The following MFSD6 variants were observed in gnomAD, a reference collection of about 807,000 sequenced individuals.
The protein encoded by MFSD6 is major facilitator superfamily domain containing 6, also known as major facilitator superfamily domain-containing protein 6.
A neutral mutation model predicts 56.3 loss-of-function variants in MFSD6; 26 were observed. That is an observed-to-expected ratio of 0.46 (90% CI 0.34 to 0.64). MFSD6 has a LOEUF of 0.64. MFSD6 is among the 30% of genes least tolerant of loss of function. The pLI is 0.01. For synonymous variants in MFSD6, 331 were observed against 366.9 expected (o/e 0.90, Z 1.12); for missense variants, 750 against 986.2 (o/e 0.76, Z 3.21).
rs1052244488 is a variant in MFSD6 at position 190,417,029 on chromosome 2, G to A, written c.-54+1616G>A. Reference sequence around the variant, plus strand: ...TATGTTCTAGATTCCTCCCTCGAGGGGTATACAGTCTTGTTGGGCAAACGA... The same window carrying A: ...TATGTTCTAGATTCCTCCCTCGAGGAGTATACAGTCTTGTTGGGCAAACGA... On this transcript the variant is annotated intron_variant, in intron 2 of 7. Coordinates refer to ENST00000392328, the MANE Select transcript of MFSD6 (RefSeq NM_017694.4). This position sits in a 1 kb window ranked among gnomAD's most constrained non-coding sequence, Gnocchi z 5.7. 6.6e-6 allele frequency among the ~76,000 whole-genome samples: 1 copy of A among 151,828 alleles called. No individual in the cohort carries two copies. Among genetic ancestry groups the A allele is most frequent in the African/African-American group, 2.4e-5 (1 of 41,280 alleles).
Position 190,417,344 on chromosome 2 carries a change from A to G in MFSD6, c.-54+1931A>G, listed in dbSNP as rs1690819449. ...AGGTCACAGTAGCAAAACCCTGCCAATCTATTCATCCTTTAAGATTGGCTC... is the reference window on the plus strand; with the variant it reads ...AGGTCACAGTAGCAAAACCCTGCCAGTCTATTCATCCTTTAAGATTGGCTC... On this transcript the variant is annotated intron_variant, in intron 2 of 7. Coordinates refer to ENST00000392328, the MANE Select transcript of MFSD6 (RefSeq NM_017694.4). This position sits in a 1 kb window ranked among gnomAD's most constrained non-coding sequence, Gnocchi z 5.7. Among the ~76,000 whole-genome samples, 1 of 152,150 alleles carries G rather than the reference A, an allele frequency of 6.6e-6. No individual in the cohort carries two copies. The highest frequency in any genetic ancestry group is 1.5e-5 in the Non-Finnish European group (1 of 68,022).
chr2:190,468,406 T>G (rs1356516583), intron 3 of MFSD6, among the ~76,000 whole-genome samples: 1 of 152,124 alleles, frequency 6.6e-6, no homozygotes. Flanking sequence ...GCATTTCCCT[T>G]TGTTGATTCA....
Position 190,487,390 on chromosome 2 carries a change from C to A in MFSD6, c.1631-1267C>A, listed in dbSNP as rs181673889. On this transcript the variant is annotated intron_variant, in intron 4 of 7. Coordinates refer to ENST00000392328, the MANE Select transcript of MFSD6 (RefSeq NM_017694.4). This position sits in a 1 kb window ranked among gnomAD's most constrained non-coding sequence, Gnocchi z 5.5. Reference sequence around the variant, plus strand: ...ATTGTTATATCCTTTGAATCATTAACCCCACTTGTGGAATTATAGCCAATG... The same window carrying A: ...ATTGTTATATCCTTTGAATCATTAAACCCACTTGTGGAATTATAGCCAATG... Among the ~76,000 whole-genome samples the A allele has an allele frequency of 6.6e-6, 1 of 152,210 alleles. No individual in the cohort carries two copies. The highest frequency in any genetic ancestry group is 1.9e-4 in the East Asian group (1 of 5,192).
chr2:190,444,646 C>T (rs1262294093), intron 3 of MFSD6, among the ~76,000 whole-genome samples: 2 of 152,088 alleles, frequency 1.3e-5, no homozygotes, highest in Non-Finnish European at 2.9e-5. Context: ...AAAACCATGG[C>T]AAAGCACTAA....
At position 190,459,357 on chromosome 2, in the gene MFSD6, G is replaced by T. The variant is rs536208326; in HGVS notation, c.1533-10401G>T. On this transcript the variant is annotated intron_variant, in intron 3 of 7. Coordinates refer to ENST00000392328, the MANE Select transcript of MFSD6 (RefSeq NM_017694.4). The surrounding 1 kb of genome is among the most constrained non-coding windows in gnomAD (Gnocchi z 5.3). ...CTTAGGGTCAAGTAAAACTCTTGAGGCCTTTTTAAAATTAACGGCTATGCC... is the reference window on the plus strand; with the variant it reads ...CTTAGGGTCAAGTAAAACTCTTGAGTCCTTTTTAAAATTAACGGCTATGCC... Among the ~76,000 whole-genome samples, 197 of 152,242 alleles carry T rather than the reference G, an allele frequency of 1.3e-3. 3 individuals are homozygous for T. The highest frequency in any genetic ancestry group is 4.4e-3 in the African/African-American group (183 of 41,542).
rs1686079636 is a variant in MFSD6, at chr2:190,433,653, G to A, written c.-53-2324G>A. ...TTTTTTTAACCTAAAAAACCGACAT[G>A]AACATTTTCAAAGCTTACAGCTACA... On this transcript the variant is annotated intron_variant, in intron 2 of 7. Coordinates refer to ENST00000392328, the MANE Select transcript of MFSD6 (RefSeq NM_017694.4). The surrounding 1 kb of genome is among the most constrained non-coding windows in gnomAD (Gnocchi z 4.5). Among the ~76,000 whole-genome samples, 1 of 152,104 alleles carries A rather than the reference G, an allele frequency of 6.6e-6. No homozygotes were observed. Among genetic ancestry groups the A allele is most frequent in the Non-Finnish European group, 1.5e-5 (1 of 68,004 alleles).
rs1687422165 is a variant in MFSD6, at chr2:190,463,263, A to G, written c.1533-6495A>G. On this transcript the variant is annotated intron_variant, in intron 3 of 7. Coordinates refer to ENST00000392328, the MANE Select transcript of MFSD6 (RefSeq NM_017694.4). This position sits in a 1 kb window ranked among gnomAD's most constrained non-coding sequence, Gnocchi z 4.4. ...ATCCTTTATATTTTAGTTATTTTCTAAAGAGTTTGGATATATATTTTCTTA... is the reference window on the plus strand; with the variant it reads ...ATCCTTTATATTTTAGTTATTTTCTGAAGAGTTTGGATATATATTTTCTTA... Among the ~76,000 whole-genome samples, 2 of 152,200 alleles carry G rather than the reference A, an allele frequency of 1.3e-5. No individual in the cohort carries two copies. Among genetic ancestry groups the G allele is most frequent in the South Asian group, 2.1e-4 (1 of 4,824 alleles).
Position 190,414,437 on chromosome 2 carries a change from G to T in MFSD6, c.-175-855G>T, listed in dbSNP as rs548682368. Among the ~76,000 whole-genome samples, 5 of 152,248 alleles carry T rather than the reference G, an allele frequency of 3.3e-5. 1 individual carries two copies. In the South Asian group the frequency reaches 1.0e-3, roughly 32 times the overall value. On this transcript the variant is annotated intron_variant, in intron 1 of 7. Coordinates refer to ENST00000392328, the MANE Select transcript of MFSD6 (RefSeq NM_017694.4). Reference sequence around the variant, plus strand: ...TATGCCCCAATTCACATTTATAAGGGAGTTTAAATAAAAGACTTTATTATG... The same window carrying T: ...TATGCCCCAATTCACATTTATAAGGTAGTTTAAATAAAAGACTTTATTATG...
rs1686892617 is a variant in MFSD6, at chr2:190,454,218, G to A, written c.1533-15540G>A. 1 of 152,144 alleles carries A rather than the reference G, an allele frequency of 6.6e-6. No homozygotes were observed. The highest frequency in any genetic ancestry group is 1.5e-5 in the Non-Finnish European group (1 of 68,032). 9.4% of individuals were successfully genotyped at this position (152,144 alleles called of 1,614,324 possible). ...GGTGGAAATATCAAATTAACTCCTT[G>A]TGGTCCTGGGATAGAGTACCTGAGA... On this transcript the variant is annotated intron_variant, in intron 3 of 7. Coordinates refer to ENST00000392328, the MANE Select transcript of MFSD6 (RefSeq NM_017694.4). This position sits in a 1 kb window ranked among gnomAD's most constrained non-coding sequence, Gnocchi z 4.6.
intron 4 of MFSD6, among the ~76,000 whole-genome samples, chr2:190,475,464 G>C (rs998812693): frequency 1.2e-4 from 18 of 152,224 alleles, no homozygotes; most frequent in African/African-American, 4.1e-4. Context: ...ATTCACAATT[G>C]CTTCAAAGAG....
Position 190,437,639 on chromosome 2 carries a change from A to G in MFSD6, c.1532+78A>G. 2 of 1,464,052 alleles carry G rather than the reference A, an allele frequency of 1.4e-6. No homozygotes were observed. Among genetic ancestry groups the G allele is most frequent in the Non-Finnish European group, 1.8e-6 (2 of 1,085,882 alleles). 90.7% of individuals were successfully genotyped at this position (1,464,052 alleles called of 1,614,324 possible). On this transcript the variant is annotated intron_variant, in intron 3 of 7. Transcript: ENST00000392328. The surrounding 1 kb of genome is among the most constrained non-coding windows in gnomAD (Gnocchi z 5.9). ...ATGGTTTATAGCTCCTTCTACTACAATTTTAAGGTATTATAATTTGTGTTG... is the reference window on the plus strand; with the variant it reads ...ATGGTTTATAGCTCCTTCTACTACAGTTTTAAGGTATTATAATTTGTGTTG...
At position 190,450,488 on chromosome 2, in the gene MFSD6, C is replaced by CTTTTTT. The variant is rs10665730; in HGVS notation, c.1532+12943_1532+12948dup. Among the ~76,000 whole-genome samples, 529 of 97,210 alleles carry CTTTTTT rather than the reference C, an allele frequency of 5.4e-3. 5 individuals carry two copies. The highest frequency in any genetic ancestry group is 7.5e-3 in the Non-Finnish European group (400 of 53,186). 63.8% of individuals were successfully genotyped at this position (97,210 alleles called of 152,430 possible). A position where few individuals can be genotyped will look rare whatever the true frequency, so the allele number is the denominator to read the frequency against. ...CTAACTTTTTCTTTTTCTCTTTTTC[C>CTTTTTT]TTTTTTTTTTTTTTTTTTTTTGAGA... is the stretch of plus-strand genomic sequence containing the variant. On this transcript the variant is annotated intron_variant, in intron 3 of 7. Coordinates refer to ENST00000392328, the MANE Select transcript of MFSD6 (RefSeq NM_017694.4).
At position 190,456,735 on chromosome 2, in the gene MFSD6, G is replaced by A. The variant is rs1687057427; in HGVS notation, c.1533-13023G>A. ...TGATACAGCTCATGTCCAGCTGCAG[G>A]TAAGAGGTGGAAACCTTGGCTCACC... On this transcript the variant is annotated intron_variant, in intron 3 of 7. Transcript: ENST00000392328. This position sits in a 1 kb window ranked among gnomAD's most constrained non-coding sequence, Gnocchi z 5.4. Among the ~76,000 whole-genome samples the A allele has an allele frequency of 6.6e-6, 1 of 152,194 alleles. No homozygotes were observed. Among genetic ancestry groups the A allele is most frequent in the Admixed American group, 6.5e-5 (1 of 15,288 alleles).
At position 190,494,808 on chromosome 2, in the gene MFSD6, G is replaced by T. The variant is rs761733253; in HGVS notation, c.1892-2631G>T. Among the ~76,000 whole-genome samples the T allele has an allele frequency of 2.0e-5, 3 of 152,148 alleles. No homozygotes were observed. Among genetic ancestry groups the T allele is most frequent in the Non-Finnish European group, 2.9e-5 (2 of 68,016 alleles). On this transcript the variant is annotated intron_variant, in intron 6 of 7. Coordinates refer to ENST00000392328, the MANE Select transcript of MFSD6 (RefSeq NM_017694.4). The surrounding 1 kb of genome is among the most constrained non-coding windows in gnomAD (Gnocchi z 5.7). The stretch of plus-strand genomic sequence containing the variant: ...TTGATGAAATCCAGCATCCCTTTAT[G>T]ATTAAAACCCTTAGCAAAATCAGCA...
Position 190,437,700 on chromosome 2 carries a change from T to C in MFSD6, c.1532+139T>C. On this transcript the variant is annotated intron_variant, in intron 3 of 7. Transcript: ENST00000392328. The surrounding 1 kb of genome is among the most constrained non-coding windows in gnomAD (Gnocchi z 5.9). ...TGGAGTGGAAATGGGGATTTCTGTT[T>C]CTTTTCCTCCTTAAAATAGAAACAA... 2 of 1,049,672 alleles carry C rather than the reference T, an allele frequency of 1.9e-6. No individual in the cohort carries two copies. The highest frequency in any genetic ancestry group is 2.7e-6 in the Non-Finnish European group (2 of 746,710). The allele number at this position is 1,049,672 out of a possible 1,614,324, so 65.0% of individuals were successfully genotyped here.
At position 190,494,979 on chromosome 2, in the gene MFSD6, A is replaced by G. The variant is rs1221083505; in HGVS notation, c.1892-2460A>G. On this transcript the variant is annotated intron_variant, in intron 6 of 7. Coordinates refer to ENST00000392328, the MANE Select transcript of MFSD6 (RefSeq NM_017694.4). This position sits in a 1 kb window ranked among gnomAD's most constrained non-coding sequence, Gnocchi z 5.7. ...CACTCTCACCACTTCTATTCAACAT[A>G]GTACTGGAAGTCCTAGCCAGAGCAG... Among the ~76,000 whole-genome samples, 2 of 152,210 alleles carry G rather than the reference A, an allele frequency of 1.3e-5. No homozygotes were observed. Among genetic ancestry groups the G allele is most frequent in the Admixed American group, 6.5e-5 (1 of 15,280 alleles).
chr2:190,422,793 TTTTTC>T (rs1166573307), intron 2 of MFSD6, among the ~76,000 whole-genome samples: 2 of 152,134 alleles, frequency 1.3e-5, no homozygotes, highest in African/African-American at 4.8e-5. Context: ...TCCCTTAATT[TTTTTC>T]TTTTCTTCCT....
intron 3 of MFSD6, among the ~76,000 whole-genome samples, chr2:190,455,495 G>T (rs1686980557): frequency 6.6e-6 from 1 of 152,184 alleles, no homozygotes; most frequent in Non-Finnish European, 1.5e-5. Context: ...AGACCTGGTT[G>T]AGTCTTGCTT....
Position 190,485,329 on chromosome 2 carries a change from A to G in MFSD6, c.1631-3328A>G, listed in dbSNP as rs1688949300. On this transcript the variant is annotated intron_variant, in intron 4 of 7. Coordinates refer to ENST00000392328, the MANE Select transcript of MFSD6 (RefSeq NM_017694.4). The surrounding 1 kb of genome is among the most constrained non-coding windows in gnomAD (Gnocchi z 5.1). ...GTTTTGGTTGCTTGTAAATCCTGCA[A>G]TTGATTGCTTAGACATACACATAAC... 6.6e-6 allele frequency among the ~76,000 whole-genome samples: 1 copy of G among 152,192 alleles called. No individual in the cohort carries two copies. Among genetic ancestry groups the G allele is most frequent in the South Asian group, 2.1e-4 (1 of 4,824 alleles).
Sources: gnomAD v4.1 joint callset for allele counts (sites outside exome capture counted in the v4.1 genomes callset) on GRCh38, gnomAD v4.1.1 for gene constraint, Gnocchi (gnomAD v3.1) non-coding constraint, MANE v1.5 for transcripts, NCBI Gene and HGNC (gene_info 2026-07-23, HGNC 2026-07-21) for gene names.